ADGRB3: variants seen among roughly 807,000 people sequenced by gnomAD.
ADGRB3 encodes the protein brain-specific angiogenesis inhibitor 3.
ADGRB3 carries 37 observed loss-of-function variants against 193.4 expected under a neutral mutation model. That is an observed-to-expected ratio of 0.19 (90% CI 0.15 to 0.25). The LOEUF (loss-of-function observed/expected upper bound fraction) is 0.25, where lower values mean the gene tolerates loss of function less well. Among genes scored for constraint, ADGRB3 ranks in the 10% least tolerant of loss-of-function variants. The pLI is 1.00. For missense variants in ADGRB3, 1,637 were observed against 1,852.9 expected, an observed-to-expected ratio of 0.88 and a Z score of 2.14; for synonymous variants, 690 against 644.2, an observed-to-expected ratio of 1.07 and a Z score of -1.08.
chr6:69,235,613 CATA>C (rs1766245397), intron 19 of ADGRB3, among the ~76,000 whole-genome samples: 1 of 152,044 alleles, frequency 6.6e-6, no homozygotes, highest in Non-Finnish European at 1.5e-5. Flanking sequence ...GAAGCACTAA[CATA>C]ATACCAATAT....
At chr6:68,959,890 G>A (rs1347300424) in intron 8 of ADGRB3, among the ~76,000 whole-genome samples, 1 of 152,124 alleles carries the variant, frequency 6.6e-6, no homozygotes, top group Admixed American at 6.6e-5. Flanking sequence ...ATCTCATTGT[G>A]TATCCTCAGG....
chr6:69,377,063 G>A (rs929336847), intron 30 of ADGRB3, among the ~76,000 whole-genome samples: 8 of 151,992 alleles, frequency 5.3e-5, no homozygotes, highest in Non-Finnish European at 8.8e-5. Flanking sequence ...GATGCATTGG[G>A]ACTCCAGCCA....
chr6:69,172,773 A>C (rs971944502), intron 17 of ADGRB3, among the ~76,000 whole-genome samples: 1 of 149,398 alleles, frequency 6.7e-6, no homozygotes, highest in East Asian at 2.1e-4. Context: ...CAGTCAGGGG[A>C]GGCCTTCTTG....
At chr6:68,789,905 G>A (rs144479772) in intron 3 of ADGRB3, among the ~76,000 whole-genome samples, 32 of 151,986 alleles carry the variant, frequency 2.1e-4, no homozygotes, top group African/African-American at 2.9e-4. Flanking sequence ...CATTAATTTC[G>A]TCTTCCATTG....
chr6:68,826,373 A>G (rs1476181960), intron 3 of ADGRB3, among the ~76,000 whole-genome samples: 3 of 152,212 alleles, frequency 2.0e-5, no homozygotes, highest in African/African-American at 7.2e-5. Context: ...AGCTGGGAAC[A>G]GTAAAAACAA....
At chr6:68,738,471 A>C (rs1041120015) in intron 3 of ADGRB3, among the ~76,000 whole-genome samples, 1 of 152,116 alleles carries the variant, frequency 6.6e-6, no homozygotes, top group African/African-American at 2.4e-5. Flanking sequence ...ATAAGTTGGG[A>C]GGCTATTTCT....
intron 20 of ADGRB3, among the ~76,000 whole-genome samples, chr6:69,260,922 TG>T (rs1766910832): frequency 6.6e-6 from 1 of 152,178 alleles, no homozygotes; most frequent in Admixed American, 6.5e-5. Context: ...TCTCTGCAAA[TG>T]GACCAAATCT....
intron 3 of ADGRB3, among the ~76,000 whole-genome samples, chr6:68,668,414 C>T (rs1276572188): frequency 6.6e-6 from 1 of 151,958 alleles, no homozygotes; most frequent in Non-Finnish European, 1.5e-5. Flanking sequence ...AGACAGTGAG[C>T]TCCAATCCAT....
At chr6:68,918,998 C>T (rs548431602) in intron 3 of ADGRB3, among the ~76,000 whole-genome samples, 6 of 152,018 alleles carry the variant, frequency 3.9e-5, no homozygotes, top group African/African-American at 1.4e-4. Context: ...GTCTCATTTT[C>T]CCACCATTTT....
At chr6:68,802,514 A>G (rs1170026085) in intron 3 of ADGRB3, among the ~76,000 whole-genome samples, 3 of 152,152 alleles carry the variant, frequency 2.0e-5, no homozygotes, top group Non-Finnish European at 4.4e-5. Context: ...GGTACAGAGT[A>G]TAAACTCAAT....
intron 19 of ADGRB3, 104 bp from the exon 20 acceptor site, chr6:69,239,020 A>G (rs1766331209): frequency 1.8e-6 from 1 of 553,642 alleles, no homozygotes; most frequent in Non-Finnish European, 3.2e-6. Flanking sequence ...TTCCTGTGCT[A>G]CAGTACTTAT....
chr6:69,075,107 C>A (rs1453691610), intron 16 of ADGRB3, among the ~76,000 whole-genome samples: 1 of 152,092 alleles, frequency 6.6e-6, no homozygotes, highest in East Asian at 1.9e-4. Flanking sequence ...AAGAGAGCAC[C>A]TGATTTGGAG....
chr6:69,256,589 T>G (rs1030728048), intron 20 of ADGRB3, among the ~76,000 whole-genome samples: 3 of 152,108 alleles, frequency 2.0e-5, no homozygotes, highest in Non-Finnish European at 4.4e-5. Flanking sequence ...CTTATCAGCT[T>G]AAGGAGATTT....
chr6:69,066,675 A>T (rs1051039481), intron 16 of ADGRB3, among the ~76,000 whole-genome samples: 9 of 152,056 alleles, frequency 5.9e-5, no homozygotes, highest in Admixed American at 3.3e-4. Flanking sequence ...CATTGTCATG[A>T]CCTATAAAGT....
chr6:69,262,772 C>G (rs984832200), intron 20 of ADGRB3, among the ~76,000 whole-genome samples: 2 of 151,776 alleles, frequency 1.3e-5, no homozygotes, highest in Non-Finnish European at 2.9e-5. Flanking sequence ...TTGTTAATCT[C>G]TTACTGTGCC....
intron 3 of ADGRB3, among the ~76,000 whole-genome samples, chr6:68,732,050 TTTA>T (rs1765785700): frequency 6.6e-6 from 1 of 151,826 alleles, no homozygotes; most frequent in African/African-American, 2.4e-5. Flanking sequence ...ATGAATTAAT[TTTA>T]TTATTACATC....
At chr6:69,085,189 A>G (rs1461384844) in intron 17 of ADGRB3, among the ~76,000 whole-genome samples, 1 of 151,998 alleles carries the variant, frequency 6.6e-6, no homozygotes, top group African/African-American at 2.4e-5. Flanking sequence ...TGCCTCATCC[A>G]TTTCTCCTTA....
At chr6:69,088,572 C>T (rs1367499923) in intron 17 of ADGRB3, among the ~76,000 whole-genome samples, 1 of 152,134 alleles carries the variant, frequency 6.6e-6, no homozygotes, top group African/African-American at 2.4e-5. Context: ...TGGGATTTCA[C>T]CATGTTGGCC....
intron 3 of ADGRB3, among the ~76,000 whole-genome samples, chr6:68,879,550 T>C (rs1765681513): frequency 6.6e-6 from 1 of 151,668 alleles, no homozygotes. Flanking sequence ...CTTTTTATTC[T>C]CAGTAAATGT....
Sources: gnomAD v4.1 joint callset for allele counts (sites outside exome capture counted in the v4.1 genomes callset) on GRCh38, gnomAD v4.1.1 for gene constraint, MANE v1.5 for transcripts, NCBI Gene and HGNC (gene_info 2026-07-23, HGNC 2026-07-21) for gene names.